The following LRRD1 variants were observed in gnomAD, a reference collection of about 807,000 sequenced individuals.
LRRD1 encodes the protein leucine rich repeats and death domain containing 1, also known as leucine-rich repeat and death domain-containing protein 1.
A neutral mutation model predicts 69.5 loss-of-function variants in LRRD1; 49 were observed. That is an observed-to-expected ratio of 0.70 (90% CI 0.56 to 0.89). The LOEUF (loss-of-function observed/expected upper bound fraction) is 0.89, where lower values mean the gene tolerates loss of function less well. Among genes scored for constraint, LRRD1 ranks in the 40% least tolerant of loss-of-function variants. The pLI, the probability that LRRD1 is intolerant of heterozygous loss-of-function variation, is 0.00. For synonymous variants in LRRD1, 303 were observed against 338.9 expected (o/e 0.89, Z 1.16); for missense variants, 853 against 956.0 (o/e 0.89, Z 1.42).
intron 1 of LRRD1, chr7:92,178,744 T>C (rs545523984): frequency 6.6e-6 from 1 of 152,376 alleles, no homozygotes; most frequent in Non-Finnish European, 1.5e-5. Context: ...ATGCAAATTA[T>C]GTTTTAACAA....
intron 1 of LRRD1, among the ~76,000 whole-genome samples, chr7:92,171,084 A>G (rs1789047820): frequency 6.6e-6 from 1 of 152,188 alleles, no homozygotes; most frequent in African/African-American, 2.4e-5. Context: ...ACAGGCCTAT[A>G]TAAAAAGTAG....
rs900763476 is a variant in LRRD1 at position 92,164,090 on chromosome 7, G to C, written c.1113C>G (p.Phe371Leu). The change falls in exon 2 of 6, where the codon TTC (phenylalanine) becomes TTG (leucine). Residue 371 changes from phenylalanine to leucine, a missense_variant. Transcript: ENST00000458448. ...CAAGTATAAGAATCCTAAGTTCCCT[G>C]AAATTCTCAATTTTGTGTGAAATAA... ...LEVISHKIEN[F>L]RELRILILDK... 1.3e-6 allele frequency: 2 copies of C among 1,548,210 alleles called. No individual in the cohort carries two copies. The highest frequency in any genetic ancestry group is 2.7e-5 in the African/African-American group (2 of 72,830).
downstream of LRRD1, among the ~76,000 whole-genome samples, chr7:92,143,701 C>CAT (rs1249717479): frequency 2.0e-5 from 3 of 152,206 alleles, no homozygotes; most frequent in Non-Finnish European, 4.4e-5. Context: ...CCGCCCGCGC[C>CAT]TCTCCCTGCA....
chr7:92,155,378 A>G (rs1358363324), intron 3 of LRRD1, among the ~76,000 whole-genome samples: 2 of 152,218 alleles, frequency 1.3e-5, no homozygotes, highest in African/African-American at 4.8e-5. Context: ...AGAAAAGTGC[A>G]CAATTTTAAA....
intron 1 of LRRD1, among the ~76,000 whole-genome samples, chr7:92,172,827 A>G (rs1231642550): frequency 6.6e-6 from 1 of 152,132 alleles, no homozygotes; most frequent in Non-Finnish European, 1.5e-5. Flanking sequence ...CTTCACAGAA[A>G]GGAAAAAAAA....
intron 1 of LRRD1, among the ~76,000 whole-genome samples, chr7:92,168,180 G>A (rs1222740143): frequency 6.6e-6 from 1 of 152,116 alleles, no homozygotes; most frequent in East Asian, 1.9e-4. Flanking sequence ...TATCCAAGAT[G>A]CCCCTTTCTC....
Position 92,159,027 on chromosome 7 carries a change from A to C in LRRD1, c.2094T>G (p.Asp698Glu). 1 of 1,545,886 alleles carries C rather than the reference A, an allele frequency of 6.5e-7. No individual in the cohort carries two copies. Among genetic ancestry groups the C allele is most frequent in the Non-Finnish European group, 8.7e-7 (1 of 1,145,408 alleles). ...YLPPSLLSLNDLQQLNLSGNN... is the reference protein window; with the variant it reads ...YLPPSLLSLNELQQLNLSGNN... ...CACCACTCAGGTTTAGTTGCTGCAGATCATTTAAAGATAGCAAAGATGGTG... is the reference window on the plus strand; with the variant it reads ...CACCACTCAGGTTTAGTTGCTGCAGCTCATTTAAAGATAGCAAAGATGGTG... The change falls in exon 3 of 6, where the codon GAT becomes GAG. Residue 698 changes from aspartate (D) to glutamate (E), a missense_variant. Asp to Glu is a conservative substitution (Grantham distance 45, BLOSUM62 2). Around this residue, in one of 3 missense-constraint regions of LRRD1, gnomAD observed 739 missense variants for 808.0 expected, o/e 0.91. Transcript: ENST00000458448.
chr7:92,171,276 A>G (rs1328892638), intron 1 of LRRD1, among the ~76,000 whole-genome samples: 1 of 152,038 alleles, frequency 6.6e-6, no homozygotes, highest in Non-Finnish European at 1.5e-5. Flanking sequence ...AAATCAACAA[A>G]CATTTGTCTA....
chr7:92,152,526 T>C (rs1199793698), intron 3 of LRRD1, among the ~76,000 whole-genome samples: 1 of 152,178 alleles, frequency 6.6e-6, no homozygotes, highest in Non-Finnish European at 1.5e-5. Flanking sequence ...ATGGTTTGTA[T>C]GGTTAAGTGT....
At chr7:92,175,888 A>G (rs1305676214) in intron 1 of LRRD1, among the ~76,000 whole-genome samples, 1 of 152,230 alleles carries the variant, frequency 6.6e-6, no homozygotes, top group African/African-American at 2.4e-5. Context: ...TTGATTTCTA[A>G]TTCTTCAATC....
intron 3 of LRRD1, among the ~76,000 whole-genome samples, chr7:92,150,902 C>A (rs189036960): frequency 1.1e-3 from 171 of 152,218 alleles, no homozygotes; most frequent in African/African-American, 3.7e-3. Flanking sequence ...CTAGGGGTGG[C>A]AAAATGAGAC....
chr7:92,150,770 G>A (rs1252696944), intron 3 of LRRD1, 75 bp from the exon 4 acceptor site: 1 of 1,105,960 alleles, frequency 9.0e-7, no homozygotes, highest in Non-Finnish European at 1.3e-6. Flanking sequence ...CATCTGTTAT[G>A]TCTTGCTGGC....
At chr7:92,169,073 C>G (rs1262229442) in intron 1 of LRRD1, among the ~76,000 whole-genome samples, 1 of 152,086 alleles carries the variant, frequency 6.6e-6, no homozygotes, top group Non-Finnish European at 1.5e-5. Flanking sequence ...CATGCACCAC[C>G]ATATCTAGCT....
At chr7:92,143,424 G>T (rs1820223104), downstream of LRRD1, among the ~76,000 whole-genome samples, 1 of 152,062 alleles carries the variant, frequency 6.6e-6, no homozygotes, top group Admixed American at 6.5e-5. Context: ...ACCGGGGGCG[G>T]CACTCGTCGG....
chr7:92,172,440 A>T (rs1307114655), intron 1 of LRRD1, among the ~76,000 whole-genome samples: 3 of 152,188 alleles, frequency 2.0e-5, no homozygotes, highest in Non-Finnish European at 4.4e-5. Context: ...CACTTAGAAA[A>T]ATCTAAAGAC....
chr7:92,165,014 ATTCT>A lies in LRRD1; in HGVS notation c.185_188del (p.Gln62LeufsTer3). 6.4e-7 allele frequency: 1 copy of A among 1,551,384 alleles called. No homozygotes were observed. The highest frequency in any genetic ancestry group is 8.7e-7 in the Non-Finnish European group (1 of 1,146,886). ...CAGAGGAAGATGTTGACTCTAATGT[ATTCT>A]GTCTAGGATGTGTTTCATAAATCTG... On this transcript the variant is annotated frameshift_variant, in exon 2 of 6. Transcript: ENST00000458448. LOFTEE classifies it high-confidence loss of function.
intron 4 of LRRD1, among the ~76,000 whole-genome samples, chr7:92,147,638 G>A (rs1820361238): frequency 6.6e-6 from 1 of 152,132 alleles, no homozygotes; most frequent in African/African-American, 2.4e-5. Flanking sequence ...TATTTAATAA[G>A]TTGGCTGAGC....
rs188030982 is a variant in LRRD1 at position 92,166,230 on chromosome 7, C to G, written c.-74-954G>C. ...GCAGTTTCTAATGACCCAGTATTTTCCCTTTGTCCCTTTAGCCTTAGGGTT... is the reference window on the plus strand; with the variant it reads ...GCAGTTTCTAATGACCCAGTATTTTGCCTTTGTCCCTTTAGCCTTAGGGTT... On this transcript the variant is annotated intron_variant, in intron 1 of 5. Transcript: ENST00000458448. 1.9e-3 allele frequency among the ~76,000 whole-genome samples: 289 copies of G among 152,300 alleles called. 3 individuals are homozygous for G. Among genetic ancestry groups the G allele is most frequent in the African/African-American group, 6.4e-3 (267 of 41,562 alleles).
At chr7:92,172,665 A>G (rs978468056) in intron 1 of LRRD1, among the ~76,000 whole-genome samples, 3 of 152,204 alleles carry the variant, frequency 2.0e-5, no homozygotes, top group African/African-American at 7.2e-5. Flanking sequence ...GGAAAACTAG[A>G]AAACACTGAT....
Sources: gnomAD v4.1 joint callset for allele counts (sites outside exome capture counted in the v4.1 genomes callset) on GRCh38, gnomAD v4.1.1 for gene constraint, gnomAD v4.1.1 regional missense constraint, MANE v1.5 for transcripts, NCBI Gene and HGNC (gene_info 2026-07-23, HGNC 2026-07-21) for gene names.